Variants in UBAC2 observed in about 807,000 individuals in gnomAD.
UBAC2 encodes UBA domain containing 2.
UBAC2 carries 26 observed loss-of-function variants against 44.0 expected under a neutral mutation model. The observed-to-expected ratio is 0.59, with a 90% CI of 0.43 to 0.82. UBAC2 has a LOEUF of 0.82. Among genes scored for constraint, UBAC2 ranks in the 40% least tolerant of loss-of-function variants. The pLI is 0.00. For synonymous variants in UBAC2, 155 were observed against 154.3 expected (o/e 1.00, Z -0.04); for missense variants, 329 against 419.4 (o/e 0.78, Z 1.88).
At chr13:99,233,841 TC>T (rs998042301) in intron 1 of UBAC2, among the ~76,000 whole-genome samples, 1 of 152,202 alleles carries the variant, frequency 6.6e-6, no homozygotes, top group African/African-American at 2.4e-5. Context: ...TGTTTTTGGT[TC>T]CCGATGAAGC....
chr13:99,331,851 C>T (rs2044719955), intron 6 of UBAC2, among the ~76,000 whole-genome samples: 2 of 151,892 alleles, frequency 1.3e-5, no homozygotes, highest in African/African-American at 4.8e-5. Context: ...AGGGATTTTT[C>T]TGTTTTGCTC....
chr13:99,303,029 C>T (rs897219043), intron 4 of UBAC2, among the ~76,000 whole-genome samples: 3 of 151,974 alleles, frequency 2.0e-5, no homozygotes, highest in Middle Eastern at 3.2e-3. Flanking sequence ...TGGGGGCTTG[C>T]TTTCTGGCTT....
At chr13:99,353,667 A>G (rs1183774481) in intron 7 of UBAC2, among the ~76,000 whole-genome samples, 4 of 152,200 alleles carry the variant, frequency 2.6e-5, no homozygotes, top group Non-Finnish European at 5.9e-5. Flanking sequence ...GAGCAGTATC[A>G]TGTTAAACCA....
chr13:99,317,233 A>C (rs1056095564), intron 5 of UBAC2, among the ~76,000 whole-genome samples: 7 of 152,196 alleles, frequency 4.6e-5, no homozygotes, highest in African/African-American at 1.4e-4. Context: ...GTCCTGCCTG[A>C]GTATCCTGCC....
At chr13:99,364,910 C>T (rs2045311311) in intron 7 of UBAC2, among the ~76,000 whole-genome samples, 2 of 152,140 alleles carry the variant, frequency 1.3e-5, no homozygotes, top group Non-Finnish European at 1.5e-5. Context: ...CTGCTGAGAA[C>T]GTTCTAGTCC....
chr13:99,351,364 A>G, intron 7 of UBAC2: 1 of 357,676 alleles, frequency 2.8e-6, no homozygotes, highest in South Asian at 2.2e-5. Context: ...TTTTTGTACA[A>G]TCTGAAGCTA....
chr13:99,202,841 G>A (rs564797702), intron 1 of UBAC2, among the ~76,000 whole-genome samples: 5 of 152,140 alleles, frequency 3.3e-5, no homozygotes, highest in Admixed American at 6.5e-5. Context: ...TCCTCTGGGC[G>A]ATGAACTGGG....
chr13:99,297,107 C>T (rs1281291022), intron 4 of UBAC2, among the ~76,000 whole-genome samples: 1 of 152,148 alleles, frequency 6.6e-6, no homozygotes, highest in South Asian at 2.1e-4. Context: ...CCTTGATGAA[C>T]TTTTGGATTC....
chr13:99,252,997 A>G (rs2043477740), intron 4 of UBAC2, among the ~76,000 whole-genome samples: 1 of 151,770 alleles, frequency 6.6e-6, no homozygotes, highest in Non-Finnish European at 1.5e-5. Flanking sequence ...CTGACTATGT[A>G]TATGTGTATA....
chr13:99,371,595 A>G (rs567739265), intron 8 of UBAC2, among the ~76,000 whole-genome samples: 3 of 152,350 alleles, frequency 2.0e-5, no homozygotes, highest in East Asian at 1.9e-4. Context: ...TTTGTTAATA[A>G]CATGTTAAGA....
chr13:99,275,744 A>C (rs1248441104), intron 4 of UBAC2, among the ~76,000 whole-genome samples: 1 of 151,988 alleles, frequency 6.6e-6, no homozygotes, highest in African/African-American at 2.4e-5. Flanking sequence ...TTTTCCTTAC[A>C]TATCTCTAAG....
At chr13:99,301,202 C>T (rs2044252191) in intron 4 of UBAC2, among the ~76,000 whole-genome samples, 2 of 152,232 alleles carry the variant, frequency 1.3e-5, no homozygotes, top group South Asian at 4.1e-4. Flanking sequence ...GGACAGAGGC[C>T]TTTCCCTGGA....
At chr13:99,337,955 C>T (rs2044814926) in intron 6 of UBAC2, among the ~76,000 whole-genome samples, 1 of 149,706 alleles carries the variant, frequency 6.7e-6, no homozygotes, top group African/African-American at 2.5e-5. Context: ...GAAGAATTGT[C>T]TTGGGCCACA....
At chr13:99,376,449 G>T (rs1191618272) in intron 8 of UBAC2, among the ~76,000 whole-genome samples, 5 of 152,260 alleles carry the variant, frequency 3.3e-5, no homozygotes, top group African/African-American at 1.2e-4. Context: ...GGGCACCCTG[G>T]ACACCTCCAG....
chr13:99,236,804 G>A (rs2043238597), intron 1 of UBAC2, among the ~76,000 whole-genome samples: 1 of 151,984 alleles, frequency 6.6e-6, no homozygotes, highest in Admixed American at 6.6e-5. Flanking sequence ...GAGCCGAGAT[G>A]GCACCACTTC....
intron 4 of UBAC2, among the ~76,000 whole-genome samples, chr13:99,311,279 G>A (rs1326944482): frequency 6.6e-6 from 1 of 152,136 alleles, no homozygotes; most frequent in East Asian, 1.9e-4. Context: ...ATGCAGAGGG[G>A]GAAGGCTGTG....
At chr13:99,356,808 C>G (rs1449874694) in intron 7 of UBAC2, among the ~76,000 whole-genome samples, 1 of 152,208 alleles carries the variant, frequency 6.6e-6, no homozygotes, top group Non-Finnish European at 1.5e-5. Context: ...CCAAGGCTTT[C>G]AAATATGCAG....
At chr13:99,214,915 G>GTGTCA (rs759055077) in intron 1 of UBAC2, among the ~76,000 whole-genome samples, 1 of 152,052 alleles carries the variant, frequency 6.6e-6, no homozygotes, top group Non-Finnish European at 1.5e-5. Context: ...TTTAGACAGG[G>GTGTCA]TGTCAGCCCA....
Position 99,238,574 on chromosome 13 carries a change from C to T in UBAC2, c.159+20C>T. 1.9e-6 allele frequency: 3 copies of T among 1,586,194 alleles called. No individual in the cohort carries two copies. The highest frequency in any genetic ancestry group is 1.7e-6 in the Non-Finnish European group (2 of 1,164,742). ...TTCCAGGTAAGCTCTGCCTCATTGG[C>T]CCCTGAGAGGAGAGCGGACAGTTTT... On this transcript the variant is annotated intron_variant, in intron 2 of 8. Coordinates refer to ENST00000403766, the MANE Select transcript of UBAC2 (RefSeq NM_001144072.2).
Sources: gnomAD v4.1 joint callset for allele counts (sites outside exome capture counted in the v4.1 genomes callset) on GRCh38, gnomAD v4.1.1 for gene constraint, MANE v1.5 for transcripts, NCBI Gene and HGNC (gene_info 2026-07-23, HGNC 2026-07-21) for gene names.